Variants in CCDC141 observed in about 807,000 individuals in gnomAD.
CCDC141 encodes the protein coiled-coil domain-containing protein 141.
CCDC141 carries 168 observed loss-of-function variants against 181.0 expected under a neutral mutation model. That is an observed-to-expected ratio of 0.93 (90% CI 0.82 to 1.05). The LOEUF is 1.05. Among genes scored for constraint, CCDC141 ranks in the 50% least tolerant of loss-of-function variants. The probability of loss-of-function intolerance (pLI) is 0.00; values close to 1 mark genes in which losing one functional copy is unlikely to be tolerated. For missense variants in CCDC141, 1,902 were observed against 1,788.5 expected, an observed-to-expected ratio of 1.06 and a Z score of -1.14; for synonymous variants, 666 against 642.3, an observed-to-expected ratio of 1.04 and a Z score of -0.56.
chr2:178,854,414 C>T (rs1403400695), intron 19 of CCDC141, among the ~76,000 whole-genome samples: 1 of 152,098 alleles, frequency 6.6e-6, no homozygotes, highest in Non-Finnish European at 1.5e-5. Flanking sequence ...GTCCCAGCTA[C>T]TCGGGAGGCT....
intron 2 of CCDC141, among the ~76,000 whole-genome samples, chr2:179,030,417 T>C (rs578036196): frequency 8.5e-5 from 13 of 152,098 alleles, no homozygotes; most frequent in Non-Finnish European, 1.6e-4. Flanking sequence ...CCCGTGTTGT[T>C]ATCATTAAGA....
Position 178,856,411 on chromosome 2 carries a change from AAAAG to A in CCDC141, c.2725-18_2725-15del, listed in dbSNP as rs754624420. On this transcript the variant is annotated splice_polypyrimidine_tract_variant and intron_variant, in intron 17 of 23. Coordinates refer to ENST00000443758, the MANE Select transcript of CCDC141 (RefSeq NM_173648.4). ...TGAGTCTTTGAGCTGTAGTTCAATA[AAAAG>A]AAATAGGTGGTTTCCTTAAAATGAG... 2.6e-6 allele frequency: 4 copies of A among 1,531,624 alleles called. No individual in the cohort carries two copies. The African/African-American group carries it at 4.2e-5, about 16-fold the overall frequency. 94.9% of individuals were successfully genotyped at this position (1,531,624 alleles called of 1,614,324 possible).
At chr2:178,933,312 A>T (rs1689167081) in intron 6 of CCDC141, among the ~76,000 whole-genome samples, 1 of 152,232 alleles carries the variant, frequency 6.6e-6, no homozygotes, top group Non-Finnish European at 1.5e-5. Flanking sequence ...ATAAAAATTA[A>T]GAGGGACATG....
chr2:178,950,166 AG>A (rs1264957314), intron 5 of CCDC141, among the ~76,000 whole-genome samples: 1 of 152,234 alleles, frequency 6.6e-6, no homozygotes, highest in Non-Finnish European at 1.5e-5. Context: ...TAAAGGAAAA[AG>A]GCATCAGTTA....
At chr2:178,943,741 T>C (rs1212863218) in intron 6 of CCDC141, among the ~76,000 whole-genome samples, 1 of 152,116 alleles carries the variant, frequency 6.6e-6, no homozygotes, top group Non-Finnish European at 1.5e-5. Flanking sequence ...GTAAAGAATT[T>C]TGGAAAGTAT....
intron 19 of CCDC141, among the ~76,000 whole-genome samples, chr2:178,854,332 G>A (rs1685290798): frequency 6.6e-6 from 1 of 152,122 alleles, no homozygotes; most frequent in African/African-American, 2.4e-5. Context: ...AGACCATCCT[G>A]GCTAACACGG....
At chr2:178,855,312 A>G (rs1685334134) in intron 19 of CCDC141, 35 bp downstream of exon 19, 5 of 1,557,746 alleles carry the variant, frequency 3.2e-6, no homozygotes, top group Non-Finnish European at 3.5e-6. Context: ...TGAAAACAAC[A>G]TTACAACATG....
At chr2:178,886,688 T>C in intron 10 of CCDC141, 64 bp downstream of exon 10, 4 of 1,076,102 alleles carry the variant, frequency 3.7e-6, no homozygotes, top group African/African-American at 1.6e-5. Flanking sequence ...TTTATAGCTA[T>C]CAAATATTTT....
rs1442393318 is a variant in CCDC141 at position 178,955,986 on chromosome 2, T to C, written c.780+5244A>G. On this transcript the variant is annotated intron_variant, in intron 5 of 23. Transcript: ENST00000443758. ...GCAAGGAGTGGATCAGTATGTAATA[T>C]GTTGGGCCTTCGTTATCTTTTTCAG... Among the ~76,000 whole-genome samples the C allele has an allele frequency of 3.3e-5, 5 of 152,218 alleles. No homozygotes were observed. In the East Asian group the frequency reaches 7.7e-4, roughly 23 times the overall value.
chr2:179,045,074 A>G (rs200760664), intron 2 of CCDC141, among the ~76,000 whole-genome samples: 2 of 149,086 alleles, frequency 1.3e-5, no homozygotes, highest in African/African-American at 2.5e-5. Flanking sequence ...GGTTAGTTAC[A>G]TATGTATACA....
Position 178,837,290 on chromosome 2 carries a change from G to A in CCDC141, c.3929C>T (p.Thr1310Ile). 6.2e-7 allele frequency: 1 copy of A among 1,614,146 alleles called. No individual in the cohort carries two copies. The highest frequency in any genetic ancestry group is 8.5e-7 in the Non-Finnish European group (1 of 1,180,000). The change falls in exon 23 of 24, where the codon ACT becomes ATT. Residue 1310 changes from threonine (T) to isoleucine (I), a missense_variant. Transcript: ENST00000443758. ...LTSRGFVEKS[T>I]ALHRISAEHP... Reference sequence around the variant, plus strand: ...TTCAGCACTGATTCTGTGTAAGGCAGTACTCTTTTCCACGAATCCTCTGGA... The same window carrying A: ...TTCAGCACTGATTCTGTGTAAGGCAATACTCTTTTCCACGAATCCTCTGGA...
At chr2:179,006,463 G>A (rs950653963) in intron 2 of CCDC141, among the ~76,000 whole-genome samples, 40 of 152,154 alleles carry the variant, frequency 2.6e-4, no homozygotes, top group African/African-American at 9.7e-4. Context: ...GGAAATATCT[G>A]CACCCATCTG....
At chr2:178,834,478 G>A in intron 23 of CCDC141, 38 bp from the exon 24 acceptor site, 6 of 1,529,558 alleles carry the variant, frequency 3.9e-6, no homozygotes, top group Non-Finnish European at 5.3e-6. Flanking sequence ...CAGGATTGCT[G>A]TTTATTCACA....
chr2:179,020,242 G>C (rs745787973), intron 2 of CCDC141, among the ~76,000 whole-genome samples: 1 of 151,990 alleles, frequency 6.6e-6, no homozygotes, highest in Non-Finnish European at 1.5e-5. Context: ...AAATCCAAAA[G>C]CATAATTTTA....
rs985898799 is a variant in CCDC141, at chr2:179,020,844, T to C, written c.225+26440A>G. On this transcript the variant is annotated intron_variant, in intron 2 of 23. Transcript: ENST00000443758. ...AGCTCAGTTACATGCAATGCTTATA[T>C]TTCTACAGGCTTCAACATTTCCTGA... is the stretch of plus-strand genomic sequence containing the variant. 3.9e-5 allele frequency among the ~76,000 whole-genome samples: 6 copies of C among 152,216 alleles called. No homozygotes were observed. In the East Asian group the frequency reaches 1.2e-3, roughly 29 times the overall value.
chr2:178,889,452 A>T (rs927404627), intron 8 of CCDC141, among the ~76,000 whole-genome samples: 5 of 152,152 alleles, frequency 3.3e-5, no homozygotes, highest in African/African-American at 1.2e-4. Flanking sequence ...GATGTCTTTC[A>T]TTTCCCCTCA....
chr2:178,840,664 G>T (rs561744635), intron 22 of CCDC141, among the ~76,000 whole-genome samples: 8 of 152,102 alleles, frequency 5.3e-5, no homozygotes, highest in Non-Finnish European at 1.2e-4. Context: ...AAGTGGACTG[G>T]GTACATATTT....
chr2:178,969,359 G>A (rs551967928), intron 4 of CCDC141, among the ~76,000 whole-genome samples: 2 of 152,032 alleles, frequency 1.3e-5, no homozygotes, highest in East Asian at 1.9e-4. Context: ...GATGAACATC[G>A]ACGCAAAAAT....
At chr2:179,017,908 T>C (rs899019868) in intron 2 of CCDC141, among the ~76,000 whole-genome samples, 3 of 152,112 alleles carry the variant, frequency 2.0e-5, no homozygotes, top group African/African-American at 7.2e-5. Context: ...CAAGCCCAGC[T>C]TGATTTAAGT....
Sources: gnomAD v4.1 joint callset for allele counts (sites outside exome capture counted in the v4.1 genomes callset) on GRCh38, gnomAD v4.1.1 for gene constraint, MANE v1.5 for transcripts, NCBI Gene and HGNC (gene_info 2026-07-23, HGNC 2026-07-21) for gene names.